Variants in DCAF6 observed in about 807,000 individuals in gnomAD.
DCAF6 encodes the protein DDB1 and CUL4 associated factor 6.
DCAF6 carries 54 observed loss-of-function variants against 125.1 expected under a neutral mutation model. The observed-to-expected ratio is 0.43, with a 90% CI of 0.35 to 0.54. The LOEUF (loss-of-function observed/expected upper bound fraction) is 0.54. Ranked by LOEUF, DCAF6 falls within the 20% of genes least tolerant of loss-of-function variation. DCAF6 has a pLI of 0.01. For synonymous variants in DCAF6, 371 were observed against 390.4 expected, an observed-to-expected ratio of 0.95 and a Z score of 0.58; for missense variants, 934 against 1,161.7, an observed-to-expected ratio of 0.80 and a Z score of 2.85.
the DCAF6 span, among the ~76,000 whole-genome samples, chr1:167,913,078 C>A: frequency 2.0e-5 from 3 of 152,064 alleles, no homozygotes; most frequent in Non-Finnish European, 2.9e-5. Context: ...TTGATGGTAC[C>A]CTTATCAACT....
intron 12 of DCAF6, chr1:168,023,588 T>C (rs1396953482): frequency 6.3e-6 from 1 of 158,898 alleles, no homozygotes; most frequent in Non-Finnish European, 1.4e-5. Flanking sequence ...CTTGTACTTT[T>C]CAATGTGGGA....
chr1:168,072,324 A>AG (rs1693204686), intron 21 of DCAF6, among the ~76,000 whole-genome samples: 1 of 117,094 alleles, frequency 8.5e-6, no homozygotes, highest in Non-Finnish European at 1.9e-5. Flanking sequence ...AAAAAAAAAA[A>AG]AGAAAAGAAA....
the DCAF6 span, among the ~76,000 whole-genome samples, chr1:167,879,601 C>T: frequency 0.068 from 10,394 of 152,164 alleles, 401 homozygotes; most frequent in Middle Eastern, 0.11. Flanking sequence ...TGTATCATTT[C>T]AGACATAACT....
chr1:167,877,742 C>T, the DCAF6 span, among the ~76,000 whole-genome samples: 1 of 152,112 alleles, frequency 6.6e-6, no homozygotes, highest in African/African-American at 2.4e-5. Flanking sequence ...GCTTAACTGT[C>T]TAGCTGGGAT....
At chr1:167,913,718 G>A in the DCAF6 span, among the ~76,000 whole-genome samples, 1 of 150,822 alleles carries the variant, frequency 6.6e-6, no homozygotes, top group Non-Finnish European at 1.5e-5. Context: ...TATCACGTGA[G>A]AAACTGCAGA....
chr1:168,049,435 T>G lies in DCAF6; in HGVS notation c.2259-1457T>G, dbSNP rs1259135933. Among the ~76,000 whole-genome samples the G allele has an allele frequency of 4.5e-5, 6 of 133,772 alleles. No homozygotes were observed. In the South Asian group the frequency reaches 1.4e-3, roughly 31 times the overall value. 87.8% of individuals were successfully genotyped at this position (133,772 alleles called of 152,430 possible). On this transcript the variant is annotated intron_variant, in intron 16 of 21. Coordinates refer to ENST00000367840, the MANE Select transcript of DCAF6 (RefSeq NM_001198956.2). ...TTTGTTGTTGTTGTTGTTGTTGTTT[T>G]TTTTTTTTTTTTTTTTTAGAAGAGA...
In DCAF6 at chr1:168,075,374, G is replaced by T. The variant is rs748687203; in HGVS notation, c.2795G>T (p.Arg932Leu). 6.3e-7 allele frequency: 1 copy of T among 1,599,706 alleles called. No homozygotes were observed. Among genetic ancestry groups the T allele is most frequent in the Non-Finnish European group, 8.5e-7 (1 of 1,176,758 alleles). Residue 932 changes from arginine (R) to leucine (L), a missense_variant, in exon 22 of 22, where the codon CGG (arginine) becomes CTG (leucine). Physicochemically the swap from Arg to Leu is moderately radical, Grantham distance 102 (BLOSUM62 -2). Coordinates refer to ENST00000367840, the MANE Select transcript of DCAF6 (RefSeq NM_001198956.2). ...ATTCTCTTATCTGTGTTTCCAGACC[G>T]GTTGGAGGGTGACAGATCAGAAGGC... ...LASLNHIRAD[R>L]LEGDRSEGSG... is the part of the protein sequence containing the mutation.
the DCAF6 span, among the ~76,000 whole-genome samples, chr1:167,868,031 G>A: frequency 7.9e-5 from 12 of 152,082 alleles, no homozygotes; most frequent in Non-Finnish European, 1.3e-4. Context: ...TCTGGGCGTC[G>A]ATAAAAAAGG....
intron 5 of DCAF6, among the ~76,000 whole-genome samples, chr1:167,990,212 T>A (rs2902568): frequency 0.012 from 1,841 of 152,132 alleles, 34 homozygotes; most frequent in African/African-American, 0.041. Context: ...AAATTTTTTT[T>A]AAAAAATTAG....
At chr1:167,878,507 C>G in the DCAF6 span, 1 of 1,614,198 alleles carries the variant, frequency 6.2e-7, no homozygotes, top group East Asian at 2.2e-5. Context: ...CCTTTCATAA[C>G]TTTCTTTGGA....
Position 168,015,895 on chromosome 1 carries a change from C to T in DCAF6, c.1493C>T (p.Pro498Leu). The part of the protein sequence containing the change: ...QELAAHTQQQ[P>L]STSDQSSHEG... ...CTAGCTGCACATACCCAGCAACAGC[C>T]TTCCACTTCTGATCAGTCTTCTCAT... The change falls in exon 11 of 22, where the codon CCT (proline) becomes CTT (leucine). Residue 498 changes from proline to leucine, a missense_variant. By Grantham distance (98) the Pro-to-Leu change is moderately conservative. Coordinates refer to ENST00000367840, the MANE Select transcript of DCAF6 (RefSeq NM_001198956.2). 1.3e-6 allele frequency: 2 copies of T among 1,542,832 alleles called. No individual in the cohort carries two copies. Among genetic ancestry groups the T allele is most frequent in the Non-Finnish European group, 1.7e-6 (2 of 1,143,102 alleles).
intron 21 of DCAF6, among the ~76,000 whole-genome samples, chr1:168,068,790 C>T (rs929728429): frequency 2.0e-5 from 3 of 152,038 alleles, no homozygotes; most frequent in Admixed American, 6.6e-5. Flanking sequence ...TCAGTCATAG[C>T]CCAAACAGAA....
chr1:167,995,451 G>A (rs1174186941), intron 7 of DCAF6, among the ~76,000 whole-genome samples: 4 of 152,086 alleles, frequency 2.6e-5, no homozygotes, highest in South Asian at 2.1e-4. Flanking sequence ...AGGTCGAGGC[G>A]AGTGGATCAC....
chr1:168,074,927 A>T (rs1693630300), intron 21 of DCAF6, among the ~76,000 whole-genome samples: 3 of 152,328 alleles, frequency 2.0e-5, no homozygotes, highest in Middle Eastern at 6.8e-3. Flanking sequence ...TCACCATTGT[A>T]TTCTCAGGTT....
chr1:167,877,309 C>T, the DCAF6 span, among the ~76,000 whole-genome samples: 1 of 150,634 alleles, frequency 6.6e-6, no homozygotes, highest in Non-Finnish European at 1.5e-5. Flanking sequence ...AATAAGTACT[C>T]ACTAAAAATT....
At chr1:167,925,275 A>T in the DCAF6 span, among the ~76,000 whole-genome samples, 1 of 151,788 alleles carries the variant, frequency 6.6e-6, no homozygotes, top group Non-Finnish European at 1.5e-5. Context: ...ACTTTCTCGA[A>T]GCTAGTGGCT....
intron 13 of DCAF6, 178 bp from the exon 14 acceptor site, chr1:168,042,847 G>A (rs937897802): frequency 2.0e-5 from 10 of 510,580 alleles, no homozygotes; most frequent in Non-Finnish European, 3.5e-5. Context: ...AGTAAAGTGT[G>A]TTATGATAGT....
At chr1:168,038,787 A>G (rs1346296253) in intron 13 of DCAF6, among the ~76,000 whole-genome samples, 1 of 152,102 alleles carries the variant, frequency 6.6e-6, no homozygotes, top group East Asian at 1.9e-4. Context: ...AGATAATACT[A>G]ATAATAATAA....
At chr1:168,059,653 C>A (rs1373772146) in intron 17 of DCAF6, among the ~76,000 whole-genome samples, 1 of 151,076 alleles carries the variant, frequency 6.6e-6, no homozygotes, top group Non-Finnish European at 1.5e-5. Flanking sequence ...GCCTTTTTTT[C>A]TTTTTTCCTT....
Sources: allele counts gnomAD v4.1 joint callset (sites outside exome capture counted in the v4.1 genomes callset), GRCh38; gene constraint gnomAD v4.1.1; transcripts MANE v1.5; gene names NCBI Gene and HGNC (gene_info 2026-07-23, HGNC 2026-07-21).